TAPBPL: variants seen among roughly 807,000 people sequenced by gnomAD.
TAPBPL encodes the protein TAP binding protein like.
TAPBPL carries 32 observed loss-of-function variants against 44.8 expected under a neutral mutation model. That is an observed-to-expected ratio of 0.71 (90% CI 0.54 to 0.96). TAPBPL has a LOEUF of 0.96. Among genes scored for constraint, TAPBPL ranks in the 40% least tolerant of loss-of-function variants. The pLI is 0.00. For synonymous variants in TAPBPL, 230 were observed against 240.7 expected (o/e 0.96, Z 0.41); for missense variants, 520 against 586.6 (o/e 0.89, Z 1.17).
intron 6 of TAPBPL, chr12:6,461,336 G>T: frequency 2.9e-6 from 3 of 1,033,140 alleles, no homozygotes; most frequent in Non-Finnish European, 2.3e-6. Context: ...AGGAAGAAGT[G>T]AGGGGACAAG....
chr12:6,466,206 G>A (rs140740293), downstream of TAPBPL: 64 of 1,614,112 alleles, frequency 4.0e-5, no homozygotes, highest in African/African-American at 7.3e-4. Flanking sequence ...AACTTTCAGA[G>A]AAACAGCTAT....
At chr12:6,470,962 T>G, downstream of TAPBPL, 1 of 185,172 alleles carries the variant, frequency 5.4e-6, no homozygotes, top group South Asian at 1.1e-4. Flanking sequence ...GGAGGGCGCT[T>G]CAGCAGTTTG....
rs1230777250 is a variant in TAPBPL, at chr12:6,462,026, C to G, written c.1292-8C>G. The G allele has an allele frequency of 6.2e-7, 1 of 1,608,680 alleles. No homozygotes were observed. Among genetic ancestry groups the G allele is most frequent in the East Asian group, 2.2e-5 (1 of 44,758 alleles). On this transcript the variant is annotated splice_region_variant and splice_polypyrimidine_tract_variant and intron_variant, in intron 6 of 6. Transcript: ENST00000266556. ...ACGCAACTTCCTGTCTTCACTTCCT[C>G]TTACCAGCACCTACAGGACTTGGGC...
chr12:6,452,979 T>TCA (rs1949597976), intron 1 of TAPBPL, 88 bp from the exon 2 acceptor site: 31 of 1,326,662 alleles, frequency 2.3e-5, no homozygotes, highest in Middle Eastern at 5.2e-4. Flanking sequence ...TACCCTTTGA[T>TCA]GACTCCACAG....
rs931213359 is a variant in TAPBPL, at chr12:6,457,624, A to G, written c.784A>G (p.Met262Val). ...TACCCTGGAGCCTGCACAACTGGGCATGGCCAGGGATGCCTCCCTCACCCT... is the reference window on the plus strand; with the variant it reads ...TACCCTGGAGCCTGCACAACTGGGCGTGGCCAGGGATGCCTCCCTCACCCT... ...GATLEPAQLG[M>V]ARDASLTLPG... Residue 262 changes from methionine (M) to valine (V), a missense_variant, in exon 4 of 7, where the codon ATG becomes GTG. Coordinates refer to ENST00000266556, the MANE Select transcript of TAPBPL (RefSeq NM_018009.5). 8 of 1,614,190 alleles carry G rather than the reference A, an allele frequency of 5.0e-6. No individual in the cohort carries two copies. The highest frequency in any genetic ancestry group is 4.2e-6 in the Non-Finnish European group (5 of 1,180,020).
chr12:6,456,984 C>G (rs1170361576), intron 3 of TAPBPL, among the ~76,000 whole-genome samples: 1 of 152,222 alleles, frequency 6.6e-6, no homozygotes, highest in Non-Finnish European at 1.5e-5. Context: ...TGTTTCTAGT[C>G]TTCACAGCAT....
At chr12:6,464,662 A>G, downstream of TAPBPL, 1 of 1,464,258 alleles carries the variant, frequency 6.8e-7, no homozygotes, top group Non-Finnish European at 9.0e-7. Context: ...ACTTCCTCAG[A>G]ACAGGAGGCG....
chr12:6,467,309 G>A (rs547481008), downstream of TAPBPL, among the ~76,000 whole-genome samples: 4 of 152,282 alleles, frequency 2.6e-5, no homozygotes, highest in South Asian at 4.1e-4. Flanking sequence ...AGGAAAATGC[G>A]GGAAAGTTTG....
downstream of TAPBPL, among the ~76,000 whole-genome samples, chr12:6,467,809 C>A (rs926252047): frequency 3.3e-5 from 5 of 152,230 alleles, no homozygotes; most frequent in Admixed American, 3.3e-4. Flanking sequence ...GTGTCCCAGC[C>A]GCTCCCACTG....
downstream of TAPBPL, chr12:6,470,644 A>G (rs1366435956): frequency 3.4e-6 from 5 of 1,457,066 alleles, no homozygotes; most frequent in Admixed American, 7.3e-5. Flanking sequence ...CCTCGCGCCG[A>G]CTACCCCGCG....
At chr12:6,458,971 C>T (rs1949774311) in intron 5 of TAPBPL, 24 bp downstream of exon 5, 1 of 1,605,866 alleles carries the variant, frequency 6.2e-7, no homozygotes, top group Non-Finnish European at 8.5e-7. Flanking sequence ...CCTCCTTTTC[C>T]CCACCTCCAC....
At chr12:6,467,852 G>A (rs560997296), downstream of TAPBPL, among the ~76,000 whole-genome samples, 11 of 152,380 alleles carry the variant, frequency 7.2e-5, no homozygotes, top group South Asian at 6.2e-4. Context: ...GGCTCGGGCC[G>A]TGGCTTCAGA....
chr12:6,451,977 G>A, upstream of TAPBPL: 4 of 528,984 alleles, frequency 7.6e-6, no homozygotes, highest in South Asian at 8.1e-5. Flanking sequence ...GAAATCACCA[G>A]GGGATTTCCG....
In TAPBPL at chr12:6,462,248, G is replaced by A. The variant is rs1949890407; in HGVS notation, c.*99G>A. ...AACAACCAAGCCAGTTTAATGGTAG[G>A]AATTTGTATTTTTTGCCTTTGTTCA... is the stretch of plus-strand genomic sequence containing the variant. On this transcript the variant is annotated 3_prime_UTR_variant, in exon 7 of 7. Coordinates refer to ENST00000266556, the MANE Select transcript of TAPBPL (RefSeq NM_018009.5). 9.3e-7 allele frequency: 1 copy of A among 1,079,330 alleles called. No homozygotes were observed. Among genetic ancestry groups the A allele is most frequent in the Non-Finnish European group, 1.3e-6 (1 of 756,574 alleles). The allele number at this position is 1,079,330 out of a possible 1,614,324, so 66.9% of individuals were successfully genotyped here.
At chr12:6,457,875 C>T (rs376304632) in intron 4 of TAPBPL, 131 bp downstream of exon 4, 5 of 1,009,480 alleles carry the variant, frequency 5.0e-6, no homozygotes, top group East Asian at 5.3e-5. Context: ...TAAATGCCAT[C>T]TTCACCATGG....
At chr12:6,468,140 C>T (rs1235151481), downstream of TAPBPL, among the ~76,000 whole-genome samples, 2 of 152,226 alleles carry the variant, frequency 1.3e-5, no homozygotes, top group African/African-American at 4.8e-5. Flanking sequence ...ATTCTCCAGA[C>T]CCCAGAATGG....
chr12:6,458,554 ACT>A (rs1949761158), intron 4 of TAPBPL, 89 bp from the exon 5 acceptor site: 1 of 1,466,164 alleles, frequency 6.8e-7, no homozygotes, highest in Admixed American at 1.8e-5. Context: ...TCCACAATCT[ACT>A]CTCATCTTGG....
intron 4 of TAPBPL, 41 bp downstream of exon 4, chr12:6,457,785 C>T (rs1949740200): frequency 6.6e-7 from 1 of 1,505,576 alleles, no homozygotes; most frequent in African/African-American, 1.4e-5. Context: ...GGGGATATAA[C>T]ATGTCTACTG....
rs1346265656 is a variant in TAPBPL at position 6,452,119 on chromosome 12, A to G, written c.-130A>G. The G allele has an allele frequency of 8.9e-7, 1 of 1,126,538 alleles. No homozygotes were observed. Among genetic ancestry groups the G allele is most frequent in the African/African-American group, 1.6e-5 (1 of 64,506 alleles). The allele number at this position is 1,126,538 out of a possible 1,614,324, so 69.8% of individuals were successfully genotyped here. A position where few individuals can be genotyped will look rare whatever the true frequency, so the allele number is the denominator to read the frequency against. On this transcript the variant is annotated 5_prime_UTR_variant, in exon 1 of 7. Coordinates refer to ENST00000266556, the MANE Select transcript of TAPBPL (RefSeq NM_018009.5). ...AAGAAAAGTCGGCAGCAGAGGGAAC[A>G]GGGAAGAAACCTAAAGGCTGCAGGC...
Sources: allele counts gnomAD v4.1 joint callset (sites outside exome capture counted in the v4.1 genomes callset), GRCh38; gene constraint gnomAD v4.1.1; transcripts MANE v1.5; gene names NCBI Gene and HGNC (gene_info 2026-07-23, HGNC 2026-07-21).